BCAS3: variants seen among roughly 807,000 people sequenced by gnomAD.
BCAS3 encodes the protein BCAS4/BCAS3 fusion.
Under a neutral mutation model 116.1 loss-of-function variants are expected in BCAS3, and 53 were observed. The ratio of observed to expected loss-of-function variants is 0.46; its 90% CI spans 0.37 to 0.57. BCAS3 has a LOEUF of 0.57. Ranked by LOEUF, BCAS3 falls within the 20% of genes least tolerant of loss-of-function variation. The pLI, the probability that BCAS3 is intolerant of heterozygous loss-of-function variation, is 0.00. For synonymous variants in BCAS3, 391 were observed against 408.2 expected (o/e 0.96, Z 0.51); for missense variants, 917 against 1,165.4 (o/e 0.79, Z 3.10).
rs895754431 is a variant in BCAS3, at chr17:61,251,279, A to G, written c.2426-117048A>G. Among the ~76,000 whole-genome samples, 2 of 152,190 alleles carry G rather than the reference A, an allele frequency of 1.3e-5. No individual in the cohort carries two copies. Among genetic ancestry groups the G allele is most frequent in the African/African-American group, 4.8e-5 (2 of 41,460 alleles). On this transcript the variant is annotated intron_variant, in intron 22 of 23. Transcript: ENST00000407086. This position sits in a 1 kb window ranked among gnomAD's most constrained non-coding sequence, Gnocchi z 4.7. Reference sequence around the variant, plus strand: ...ATGAATTTGGGATTCCTTGCTGAAAAAAAGACTGGGCTGGGTGTGGTGGCT... The same window carrying G: ...ATGAATTTGGGATTCCTTGCTGAAAGAAAGACTGGGCTGGGTGTGGTGGCT...
Position 61,325,153 on chromosome 17 carries a change from G to T in BCAS3, c.2426-43174G>T, listed in dbSNP as rs933306318. ...GGGAATTTTTTGAATGTTTGACTCT[G>T]TGTCTCTGTGGACCACAACAGGACC... On this transcript the variant is annotated intron_variant, in intron 22 of 23. Transcript: ENST00000407086. This position sits in a 1 kb window ranked among gnomAD's most constrained non-coding sequence, Gnocchi z 6.4. Among the ~76,000 whole-genome samples the T allele has an allele frequency of 2.0e-5, 3 of 152,154 alleles. No homozygotes were observed. The highest frequency in any genetic ancestry group is 6.5e-5 in the Admixed American group (1 of 15,280).
chr17:60,772,904 A>T lies in BCAS3; in HGVS notation c.403+25625A>T, dbSNP rs1352231441. Among the ~76,000 whole-genome samples, 5 of 152,178 alleles carry T rather than the reference A, an allele frequency of 3.3e-5. No homozygotes were observed. In the East Asian group the frequency reaches 9.6e-4, roughly 29 times the overall value. On this transcript the variant is annotated intron_variant, in intron 6 of 23. Coordinates refer to ENST00000407086, the MANE Select transcript of BCAS3 (RefSeq NM_017679.5). ...AAAAAGGGGGGCTTAACGTGAAGCA[A>T]GTAAGTTTCATGTAAGCTTAATGAT...
chr17:60,809,757 A>G (rs1598865816), intron 7 of BCAS3, among the ~76,000 whole-genome samples: 1 of 152,116 alleles, frequency 6.6e-6, no homozygotes, highest in African/African-American at 2.4e-5. Flanking sequence ...GTCCAGGGGG[A>G]AGAAAAATCT....
chr17:61,100,397 G>A (rs753472021), intron 22 of BCAS3, among the ~76,000 whole-genome samples: 9 of 152,064 alleles, frequency 5.9e-5, no homozygotes, highest in Non-Finnish European at 8.8e-5. Context: ...TGAATCAGAC[G>A]GCTTAAGCCA....
In BCAS3 at chr17:60,960,639, C is replaced by T. The variant is rs751137573; in HGVS notation, c.1221+13287C>T. Among the ~76,000 whole-genome samples, 18 of 152,032 alleles carry T rather than the reference C, an allele frequency of 1.2e-4. No homozygotes were observed. Among genetic ancestry groups the T allele is most frequent in the Admixed American group, 2.6e-4 (4 of 15,250 alleles). On this transcript the variant is annotated intron_variant, in intron 14 of 23. Coordinates refer to ENST00000407086, the MANE Select transcript of BCAS3 (RefSeq NM_017679.5). The surrounding 1 kb of genome is among the most constrained non-coding windows in gnomAD (Gnocchi z 4.1). ...CCTGCCTTTGTACACACAGCTTAGG[C>T]CTTTAAGTGCACATCTCTGCCCTTG...
At chr17:60,871,408 G>A (rs1206490853) in intron 8 of BCAS3, among the ~76,000 whole-genome samples, 1 of 152,080 alleles carries the variant, frequency 6.6e-6, no homozygotes, top group African/African-American at 2.4e-5. Flanking sequence ...GGTTCAAGTG[G>A]TCCTCCTGCC....
intron 7 of BCAS3, among the ~76,000 whole-genome samples, chr17:60,831,482 A>T (rs2050925342): frequency 6.6e-6 from 1 of 152,162 alleles, no homozygotes; most frequent in Admixed American, 6.6e-5. Flanking sequence ...GACCTATGTT[A>T]TGTCTTCCTT....
chr17:60,887,784 G>T (rs745490515), intron 9 of BCAS3, among the ~76,000 whole-genome samples: 11 of 152,044 alleles, frequency 7.2e-5, no homozygotes, highest in Admixed American at 5.9e-4. Flanking sequence ...AATGAATTCA[G>T]GTCACCTCTC....
chr17:61,257,888 T>G (rs1197683099), intron 22 of BCAS3, among the ~76,000 whole-genome samples: 1 of 152,182 alleles, frequency 6.6e-6, no homozygotes, highest in African/African-American at 2.4e-5. Context: ...ACATTTCCCT[T>G]CCCATTTTCA....
At chr17:61,113,093 T>C (rs1395771122) in intron 22 of BCAS3, among the ~76,000 whole-genome samples, 1 of 55,010 alleles carries the variant, frequency 1.8e-5, no homozygotes, top group African/African-American at 3.5e-5. Flanking sequence ...AAGCAGTGTG[T>C]AGAGGGAAAT....
intron 19 of BCAS3, among the ~76,000 whole-genome samples, chr17:61,046,868 GATGTAA>G (rs1423283168): frequency 1.3e-5 from 2 of 151,952 alleles, no homozygotes; most frequent in Non-Finnish European, 2.9e-5. Context: ...GACAAAGAAT[GATGTAA>G]ATGGAAATGG....
At chr17:60,867,397 C>T (rs1031086528) in intron 7 of BCAS3, among the ~76,000 whole-genome samples, 14 of 151,956 alleles carry the variant, frequency 9.2e-5, no homozygotes, top group Admixed American at 2.0e-4. Flanking sequence ...TGAGCCACCA[C>T]GCCTGGCCTA....
intron 22 of BCAS3, among the ~76,000 whole-genome samples, chr17:61,287,912 A>C (rs1474556223): frequency 6.6e-6 from 1 of 152,194 alleles, no homozygotes; most frequent in Admixed American, 6.5e-5. Flanking sequence ...AGCATTGAAA[A>C]GGTACCATTA....
At chr17:61,067,301 ATATATATATATATATT>A (rs1355056171) in intron 19 of BCAS3, among the ~76,000 whole-genome samples, 16 of 132,338 alleles carry the variant, frequency 1.2e-4, no homozygotes, top group African/African-American at 4.6e-4. Flanking sequence ...ATATATATAT[ATATATATATATATATT>A]TATACAGACT....
rs554954114 is a variant in BCAS3 at position 61,211,839 on chromosome 17, A to G, written c.2425+127275A>G. 2.0e-5 allele frequency among the ~76,000 whole-genome samples: 3 copies of G among 152,318 alleles called. No homozygotes were observed. The South Asian group carries it at 6.2e-4, about 32-fold the overall frequency. On this transcript the variant is annotated intron_variant, in intron 22 of 23. Transcript: ENST00000407086. This position sits in a 1 kb window ranked among gnomAD's most constrained non-coding sequence, Gnocchi z 4.4. ...AAATATTTCAGGCATAGACTTGGAG[A>G]GCAAGCTGCCCACCAGGGCAGGGCC...
chr17:60,760,380 C>CTA (rs2043406614), intron 6 of BCAS3, among the ~76,000 whole-genome samples: 1 of 150,316 alleles, frequency 6.7e-6, no homozygotes, highest in Admixed American at 6.6e-5. Context: ...TCTTGTAGGC[C>CTA]TAGTCTAGTG....
At chr17:60,765,973 G>A (rs1448426658) in intron 6 of BCAS3, among the ~76,000 whole-genome samples, 2 of 151,948 alleles carry the variant, frequency 1.3e-5, no homozygotes, top group Non-Finnish European at 2.9e-5. Flanking sequence ...CCATTAGATC[G>A]AATCGGCTAC....
chr17:61,019,551 A>G lies in BCAS3; in HGVS notation c.1637+3650A>G, dbSNP rs1164494924. Among the ~76,000 whole-genome samples the G allele has an allele frequency of 2.6e-5, 4 of 152,186 alleles. No homozygotes were observed. The highest frequency in any genetic ancestry group is 4.8e-5 in the African/African-American group (2 of 41,434). ...CATGTATTTTGCCTTGTCAAAAGTAATATTTGATTCGTGAGAACCAAATAT... is the reference window on the plus strand; with the variant it reads ...CATGTATTTTGCCTTGTCAAAAGTAGTATTTGATTCGTGAGAACCAAATAT... On this transcript the variant is annotated intron_variant, in intron 16 of 23. Coordinates refer to ENST00000407086, the MANE Select transcript of BCAS3 (RefSeq NM_017679.5). The surrounding 1 kb of genome is among the most constrained non-coding windows in gnomAD (Gnocchi z 5.6).
chr17:61,321,718 C>T (rs998565110), intron 22 of BCAS3, among the ~76,000 whole-genome samples: 6 of 152,130 alleles, frequency 3.9e-5, no homozygotes, highest in East Asian at 1.9e-4. Context: ...GCCAGCAAAT[C>T]GTTCTAGTCT....
Sources: allele counts gnomAD v4.1 joint callset (sites outside exome capture counted in the v4.1 genomes callset), GRCh38; gene constraint gnomAD v4.1.1; non-coding constraint Gnocchi (gnomAD v3.1); transcripts MANE v1.5; gene names NCBI Gene and HGNC (gene_info 2026-07-23, HGNC 2026-07-21).